The following ZC3H12B variants were observed in gnomAD, a reference collection of about 807,000 sequenced individuals.
ZC3H12B encodes the protein zinc finger CCCH-type containing 12B.
ZC3H12B carries 7 observed loss-of-function variants against 43.9 expected under a neutral mutation model. The ratio of observed to expected loss-of-function variants is 0.16; its 90% CI spans 0.09 to 0.30. The LOEUF (loss-of-function observed/expected upper bound fraction) is 0.30. Ranked by LOEUF, ZC3H12B falls within the 10% of genes least tolerant of loss-of-function variation. The pLI, the probability that ZC3H12B is intolerant of heterozygous loss-of-function variation, is 1.00. For synonymous variants in ZC3H12B, 222 were observed against 241.7 expected (o/e 0.92, Z 0.76); for missense variants, 475 against 670.2 (o/e 0.71, Z 3.22).
intron 3 of ZC3H12B, among the ~76,000 whole-genome samples, chrX:65,435,508 G>A (rs1161828805): frequency 9.0e-6 from 1 of 111,457 alleles, no homozygotes; most frequent in Non-Finnish European, 1.9e-5. Context: ...TTTTAAGTGT[G>A]ATGACATTAG....
chrX:65,102,328 A>G, the ZC3H12B span, among the ~76,000 whole-genome samples: 45 of 111,951 alleles, frequency 4.0e-4, no homozygotes, highest in Non-Finnish European at 7.5e-5. Context: ...CCGGCACAAG[A>G]CAAGGATACC....
At chrX:65,392,371 C>A (rs1352218322) in intron 2 of ZC3H12B, among the ~76,000 whole-genome samples, 3 of 112,084 alleles carry the variant, frequency 2.7e-5, no homozygotes, top group Admixed American at 9.4e-5. Context: ...GCACCTCTGC[C>A]CGGCCGCAAC....
At chrX:65,077,401 G>A in the ZC3H12B span, among the ~76,000 whole-genome samples, 1 of 112,328 alleles carries the variant, frequency 8.9e-6, no homozygotes, top group Admixed American at 9.4e-5. Flanking sequence ...CAGCCTGCAA[G>A]CACTACAGGT....
At chrX:65,156,971 C>G in the ZC3H12B span, among the ~76,000 whole-genome samples, 1 of 110,884 alleles carries the variant, frequency 9.0e-6, no homozygotes, top group African/African-American at 3.3e-5. Context: ...TTCTTTCTTT[C>G]TTTCTTCCTT....
the ZC3H12B span, among the ~76,000 whole-genome samples, chrX:65,357,843 T>C: frequency 4.5e-5 from 5 of 111,414 alleles, no homozygotes; most frequent in Non-Finnish European, 7.5e-5. Context: ...CACATAACAA[T>C]ATTAACCTTA....
At chrX:65,095,653 T>C in the ZC3H12B span, among the ~76,000 whole-genome samples, 2 of 111,918 alleles carry the variant, frequency 1.8e-5, no homozygotes, top group African/African-American at 3.2e-5. Flanking sequence ...TTTGGAAATA[T>C]GTCAGAGCAT....
At chrX:65,379,741 C>G in intron 2 of ZC3H12B, among the ~76,000 whole-genome samples, 1 of 111,866 alleles carries the variant, frequency 8.9e-6, no homozygotes, top group Admixed American at 9.5e-5. Flanking sequence ...ACTAGAATAA[C>G]CAATACAGCG....
the ZC3H12B span, among the ~76,000 whole-genome samples, chrX:65,163,423 C>T: frequency 9.0e-6 from 1 of 111,341 alleles, no homozygotes; most frequent in African/African-American, 3.3e-5. Context: ...TGGGCTCCAC[C>T]CAGTTCGAGC....
the ZC3H12B span, among the ~76,000 whole-genome samples, chrX:65,112,069 A>T: frequency 4.1e-4 from 46 of 112,495 alleles, no homozygotes; most frequent in East Asian, 3.7e-3. Context: ...AAGAAATTAA[A>T]AGTGCTACTC....
chrX:65,362,928 C>A (rs2066123797), upstream of ZC3H12B, among the ~76,000 whole-genome samples: 1 of 110,993 alleles, frequency 9.0e-6, no homozygotes, highest in Non-Finnish European at 1.9e-5. Context: ...CATCCCTTCA[C>A]AACCCCTCCA....
the ZC3H12B span, among the ~76,000 whole-genome samples, chrX:65,249,377 G>C: frequency 9.0e-6 from 1 of 110,792 alleles, no homozygotes; most frequent in Non-Finnish European, 1.9e-5. Flanking sequence ...AAGATCAGTT[G>C]GCTTTACTTT....
At chrX:65,422,925 CTTTTTTTTTTTTTTTT>C (rs34567013) in intron 3 of ZC3H12B, among the ~76,000 whole-genome samples, 1 of 46,177 alleles carries the variant, frequency 2.2e-5, no homozygotes, top group African/African-American at 1.1e-4. Context: ...TCTTTCTTTG[CTTTTTTTTTTTTTTTT>C]TTTTTTTTTG....
the ZC3H12B span, among the ~76,000 whole-genome samples, chrX:65,129,061 G>T: frequency 3.6e-5 from 4 of 109,963 alleles, no homozygotes; most frequent in Non-Finnish European, 7.6e-5. Flanking sequence ...ATGTGTTAGG[G>T]CTTATAAGTC....
chrX:65,278,963 G>A, the ZC3H12B span, among the ~76,000 whole-genome samples: 32 of 111,235 alleles, frequency 2.9e-4, no homozygotes, highest in East Asian at 4.2e-3. Context: ...CCATGTTCCC[G>A]CAAAAGACAT....
the ZC3H12B span, among the ~76,000 whole-genome samples, chrX:65,291,828 G>A: frequency 8.9e-6 from 1 of 112,003 alleles, no homozygotes; most frequent in East Asian, 2.8e-4. Flanking sequence ...ACAACAGATG[G>A]AGAAATATAT....
At chrX:65,278,243 C>T in the ZC3H12B span, among the ~76,000 whole-genome samples, 2 of 111,625 alleles carry the variant, frequency 1.8e-5, no homozygotes, top group East Asian at 5.6e-4. Flanking sequence ...CCTCGTGGCT[C>T]ATTATATGCT....
chrX:65,334,025 T>C, the ZC3H12B span, among the ~76,000 whole-genome samples: 1 of 112,107 alleles, frequency 8.9e-6, no homozygotes, highest in Non-Finnish European at 1.9e-5. Flanking sequence ...TCCTGTATGA[T>C]TTTTATACCA....
the ZC3H12B span, among the ~76,000 whole-genome samples, chrX:65,037,558 T>C: frequency 9.0e-6 from 1 of 111,684 alleles, no homozygotes; most frequent in African/African-American, 3.2e-5. Flanking sequence ...AAAATAATCA[T>C]CCTATTTCCT....
At chrX:65,245,679 T>C in the ZC3H12B span, among the ~76,000 whole-genome samples, 1 of 111,413 alleles carries the variant, frequency 9.0e-6, no homozygotes, top group Non-Finnish European at 1.9e-5. Context: ...AAATTAAGCA[T>C]CAAAGGACCA....
Sources: allele counts gnomAD v4.1 joint callset (sites outside exome capture counted in the v4.1 genomes callset), GRCh38; gene constraint gnomAD v4.1.1; transcripts MANE v1.5; gene names NCBI Gene and HGNC (gene_info 2026-07-23, HGNC 2026-07-21).